Variants in ALK observed in about 807,000 individuals in gnomAD.
ALK encodes the protein ALK tyrosine kinase receptor.
In ALK, 74 loss-of-function variants were observed where a neutral mutation model predicts 163.1. The ratio of observed to expected loss-of-function variants is 0.45; its 90% confidence interval spans 0.38 to 0.55. The LOEUF (loss-of-function observed/expected upper bound fraction) is 0.55, where lower values mean the gene tolerates loss of function less well. Among genes scored for constraint, ALK ranks in the 20% least tolerant of loss-of-function variants. ALK has a pLI of 0.00. For missense variants in ALK, 2,063 were observed against 2,105.3 expected, an observed-to-expected ratio of 0.98 and a Z score of 0.39; for synonymous variants, 960 against 843.2, an observed-to-expected ratio of 1.14 and a Z score of -2.40.
intron 2 of ALK, among the ~76,000 whole-genome samples, chr2:29,710,845 C>T (rs895726647): frequency 4.6e-5 from 7 of 152,086 alleles, no homozygotes; most frequent in African/African-American, 2.4e-5. Context: ...ACTCTCCATC[C>T]ACTTCTCTCC....
intron 4 of ALK, among the ~76,000 whole-genome samples, chr2:29,474,182 T>C (rs906641619): frequency 2.6e-5 from 4 of 152,176 alleles, no homozygotes; most frequent in African/African-American, 7.2e-5. Context: ...AACAACAAAA[T>C]TGAATTACTG....
intron 3 of ALK, 121 bp downstream of exon 3, chr2:29,694,729 A>T: frequency 7.5e-7 from 1 of 1,327,252 alleles, no homozygotes; most frequent in Non-Finnish European, 1.1e-6. Context: ...CACAGATATT[A>T]AAAGCAGGTT....
intron 1 of ALK, among the ~76,000 whole-genome samples, chr2:29,812,901 T>C (rs1483230848): frequency 2.6e-5 from 4 of 152,148 alleles, no homozygotes; most frequent in Non-Finnish European, 5.9e-5. Flanking sequence ...CTGTTCAAGT[T>C]CACACACACA....
rs1316704524 is a variant in ALK at position 29,730,116 on chromosome 2, C to T, written c.668-12419G>A. The stretch of plus-strand genomic sequence containing the variant: ...ATGGCAACTCGGGATCCCCTCGCCC[C>T]TTGGCAAGGACCTGCCATTAAATGC... On this transcript the variant is annotated intron_variant, in intron 1 of 28. Transcript: ENST00000389048. Among the ~76,000 whole-genome samples, 6 of 152,224 alleles carry T rather than the reference C, an allele frequency of 3.9e-5. No homozygotes were observed. In the East Asian group the frequency reaches 1.2e-3, roughly 29 times the overall value.
At chr2:29,583,035 G>GTTTTTTTT (rs10637189) in intron 3 of ALK, among the ~76,000 whole-genome samples, 11,597 of 106,046 alleles carry the variant, frequency 0.11, 556 homozygotes, top group East Asian at 0.28. Context: ...GCTAACTTTT[G>GTTTTTTTT]TTTTTTGTTT....
At chr2:29,241,460 C>T (rs1025547433) in intron 12 of ALK, among the ~76,000 whole-genome samples, 5 of 151,810 alleles carry the variant, frequency 3.3e-5, no homozygotes, top group African/African-American at 1.2e-4. Context: ...AAATAAGGGT[C>T]GTCAGGTGCT....
intron 1 of ALK, among the ~76,000 whole-genome samples, chr2:29,799,303 G>A (rs1448675008): frequency 6.6e-6 from 1 of 152,206 alleles, no homozygotes; most frequent in Non-Finnish European, 1.5e-5. Context: ...GGATGCTGAA[G>A]TGGTTCAGAA....
intron 3 of ALK, among the ~76,000 whole-genome samples, chr2:29,588,334 G>A (rs1573479824): frequency 6.6e-6 from 1 of 152,104 alleles, no homozygotes; most frequent in African/African-American, 2.4e-5. Flanking sequence ...AGGTTCAAGC[G>A]ATTCTTGCGT....
chr2:29,679,801 C>G (rs953982779), intron 3 of ALK, among the ~76,000 whole-genome samples: 16 of 151,842 alleles, frequency 1.1e-4, no homozygotes, highest in African/African-American at 3.6e-4. Flanking sequence ...CATTTCTCCC[C>G]GTGGATTCAA....
chr2:29,716,458 CT>C (rs1679257788), intron 2 of ALK, among the ~76,000 whole-genome samples: 1 of 152,168 alleles, frequency 6.6e-6, no homozygotes, highest in African/African-American at 2.4e-5. Context: ...TTCTTCTCTC[CT>C]CTAAATCTTC....
chr2:29,771,600 T>C (rs145213781), intron 1 of ALK, among the ~76,000 whole-genome samples: 4,801 of 151,714 alleles, frequency 0.032, 97 homozygotes, highest in East Asian at 0.11. Flanking sequence ...AGTGTCACGA[T>C]CTCGACTCAC....
At chr2:29,311,138 A>C (rs775195416) in intron 8 of ALK, among the ~76,000 whole-genome samples, 1 of 152,218 alleles carries the variant, frequency 6.6e-6, no homozygotes, top group Non-Finnish European at 1.5e-5. Context: ...GCCAGGGCTC[A>C]GCCCTCCTGA....
intron 3 of ALK, among the ~76,000 whole-genome samples, chr2:29,571,024 T>A (rs1674352996): frequency 6.6e-6 from 1 of 151,414 alleles, no homozygotes; most frequent in African/African-American, 2.4e-5. Context: ...GAAGAAAGAG[T>A]TGGAGGAGAG....
chr2:29,829,003 A>C (rs547129507), intron 1 of ALK, among the ~76,000 whole-genome samples: 1,955 of 152,106 alleles, frequency 0.013, 18 homozygotes, highest in Middle Eastern at 0.031. Context: ...TGATGAGTTC[A>C]TGTCCTTTGT....
intron 4 of ALK, among the ~76,000 whole-genome samples, chr2:29,477,336 C>A (rs7585696): frequency 0.33 from 49,482 of 152,016 alleles, 8,435 homozygotes; most frequent in African/African-American, 0.4. Flanking sequence ...TTTACTTAAG[C>A]TTTCTGAGAT....
intron 3 of ALK, among the ~76,000 whole-genome samples, chr2:29,654,404 C>T (rs964682726): frequency 6.6e-6 from 1 of 152,104 alleles, no homozygotes; most frequent in Non-Finnish European, 1.5e-5. Context: ...ACAGTCAGTG[C>T]TCCAGGAAGC....
chr2:29,705,240 A>AATAT lies in ALK; in HGVS notation c.788-10230_788-10227dup, dbSNP rs1172702963. 6.8e-3 allele frequency among the ~76,000 whole-genome samples: 321 copies of AATAT among 47,074 alleles called. 3 individuals are homozygous for AATAT. The highest frequency in any genetic ancestry group is 0.02 in the East Asian group (17 of 856). 30.9% of individuals were successfully genotyped at this position (47,074 alleles called of 152,430 possible). Reference sequence around the variant, plus strand: ...CTCAACAAAAAAAGAAAAGAAAAGAAATATATATATATATATATATATATA... The same window carrying AATAT: ...CTCAACAAAAAAAGAAAAGAAAAGAAATATATATATATATATATATATATATATA... On this transcript the variant is annotated intron_variant, in intron 2 of 28. Transcript: ENST00000389048.
rs1344108786 is a variant in ALK at position 29,227,043 on chromosome 2, C to A, written c.2946G>T (p.Lys982Asn). The A allele has an allele frequency of 2.4e-5, 38 of 1,614,028 alleles. No individual in the cohort carries two copies. The highest frequency in any genetic ancestry group is 2.7e-5 in the Non-Finnish European group (32 of 1,180,034). ...VMEGHGEVNI[K>N]HYLNCSHCEV... is the part of the protein sequence containing the mutation. ...CACAGTGACTGCAGTTTAGATAATG[C>A]TTAATATTCACTTCCCCGTGGCCTT... Residue 982 changes from lysine to asparagine, a missense_variant, in exon 18 of 29, where the codon AAG becomes AAT. Transcript: ENST00000389048. This position sits in a 1 kb window ranked among gnomAD's most constrained non-coding sequence, Gnocchi z 4.4.
intron 1 of ALK, among the ~76,000 whole-genome samples, chr2:29,874,129 C>T (rs1666644660): frequency 6.6e-6 from 1 of 152,162 alleles, no homozygotes; most frequent in African/African-American, 2.4e-5. Context: ...TTCTCTTGTA[C>T]CATTGCTCAA....
Sources: gnomAD v4.1 joint callset for allele counts (sites outside exome capture counted in the v4.1 genomes callset) on GRCh38, gnomAD v4.1.1 for gene constraint, Gnocchi (gnomAD v3.1) non-coding constraint, MANE v1.5 for transcripts, NCBI Gene and HGNC (gene_info 2026-07-23, HGNC 2026-07-21) for gene names.